The following CMSS1 variants were observed in gnomAD, a reference collection of about 807,000 sequenced individuals.
The protein encoded by CMSS1 is protein CMSS1.
Under a neutral mutation model 43.5 loss-of-function variants are expected in CMSS1, and 33 were observed. That is an observed-to-expected ratio of 0.76 (90% CI 0.57 to 1.01). The LOEUF (loss-of-function observed/expected upper bound fraction) is 1.01, where lower values mean the gene tolerates loss of function less well. CMSS1 is among the 50% of genes least tolerant of loss of function. The pLI, the probability that CMSS1 is intolerant of heterozygous loss-of-function variation, is 0.00. For missense variants in CMSS1, 313 were observed against 326.4 expected (o/e 0.96, Z 0.32); for synonymous variants, 115 against 117.2 (o/e 0.98, Z 0.12).
chr3:99,916,842 C>G (rs147792754), intron 1 of CMSS1, among the ~76,000 whole-genome samples: 1 of 152,336 alleles, frequency 6.6e-6, no homozygotes, highest in African/African-American at 2.4e-5. Context: ...TGCCAGCCAT[C>G]ATCTTCACGG....
intron 1 of CMSS1, among the ~76,000 whole-genome samples, chr3:100,131,161 CCT>C (rs1426730475): frequency 1.3e-5 from 2 of 152,104 alleles, no homozygotes; most frequent in Admixed American, 1.3e-4. Context: ...TGTTAATATC[CCT>C]GTTTTATAGA....
At position 99,895,942 on chromosome 3, in the gene CMSS1, A is replaced by G. The variant is rs139838837; in HGVS notation, c.64+77899A>G. On this transcript the variant is annotated intron_variant, in intron 1 of 9. Coordinates refer to ENST00000421999, the MANE Select transcript of CMSS1 (RefSeq NM_032359.4). ...ATCATCTATGTTTGGTCAAGCTCTAAGCTGTAAAGATAGTCTTTTTGTAGA... is the reference window on the plus strand; with the variant it reads ...ATCATCTATGTTTGGTCAAGCTCTAGGCTGTAAAGATAGTCTTTTTGTAGA... Among the ~76,000 whole-genome samples the G allele has an allele frequency of 4.6e-3, 696 of 152,350 alleles. 2 individuals carry two copies. Among genetic ancestry groups the G allele is most frequent in the South Asian group, 7.0e-3 (34 of 4,828 alleles).
At chr3:99,830,649 G>T (rs1942642601) in intron 1 of CMSS1, 3 of 452,476 alleles carry the variant, frequency 6.6e-6, no homozygotes, top group South Asian at 3.1e-5. Flanking sequence ...TGGTACAGTT[G>T]GTGGAGAAGT....
intron 1 of CMSS1, among the ~76,000 whole-genome samples, chr3:99,866,785 A>G (rs1476514085): frequency 6.6e-6 from 1 of 152,126 alleles, no homozygotes; most frequent in Admixed American, 6.5e-5. Context: ...TTGCAAAGTG[A>G]GAGTTTGGGC....
intron 1 of CMSS1, among the ~76,000 whole-genome samples, chr3:99,984,042 A>ATGTGTGTGTGTGTGTGTG (rs1709253903): frequency 6.4e-5 from 1 of 15,510 alleles, no homozygotes; most frequent in Non-Finnish European, 1.2e-4. Context: ...ATGAAAAAGG[A>ATGTGTGTGTGTGTGTGTG]TGTATATGTA....
intron 1 of CMSS1, among the ~76,000 whole-genome samples, chr3:100,065,859 T>C (rs2065654641): frequency 6.6e-6 from 1 of 152,262 alleles, no homozygotes; most frequent in South Asian, 2.1e-4. Context: ...TAATACTGTG[T>C]TCTATGCTGT....
chr3:100,147,151 G>A (rs1441497529), intron 2 of CMSS1, 90 bp downstream of exon 2: 27 of 1,368,644 alleles, frequency 2.0e-5, no homozygotes, highest in African/African-American at 7.2e-5. Flanking sequence ...TCCTAATATC[G>A]GTTGTTGGTG....
intron 1 of CMSS1, among the ~76,000 whole-genome samples, chr3:99,903,054 A>G (rs1159595715): frequency 2.0e-5 from 3 of 152,102 alleles, no homozygotes; most frequent in Non-Finnish European, 4.4e-5. Flanking sequence ...TTTCCTGCCC[A>G]TTTATACTTT....
intron 1 of CMSS1, among the ~76,000 whole-genome samples, chr3:99,993,129 C>A (rs1039707830): frequency 6.6e-6 from 1 of 151,894 alleles, no homozygotes; most frequent in Non-Finnish European, 1.5e-5. Context: ...CTTAGGATTT[C>A]TTTGGCTATT....
intron 1 of CMSS1, among the ~76,000 whole-genome samples, chr3:100,117,825 GTATATA>G (rs1166983737): frequency 5.1e-4 from 38 of 75,164 alleles, no homozygotes; most frequent in African/African-American, 1.8e-3. Context: ...ATAAACTGCA[GTATATA>G]TATATATATA....
intron 1 of CMSS1, among the ~76,000 whole-genome samples, chr3:99,852,569 C>T (rs1052252057): frequency 2.0e-5 from 3 of 152,028 alleles, no homozygotes; most frequent in Non-Finnish European, 4.4e-5. Flanking sequence ...TCTCAGCCTC[C>T]CGAGTAGCTG....
chr3:99,974,654 C>A (rs1708917305), intron 1 of CMSS1, among the ~76,000 whole-genome samples: 1 of 152,028 alleles, frequency 6.6e-6, no homozygotes, highest in Non-Finnish European at 1.5e-5. Context: ...TTGTGATGAG[C>A]CAAGGTCATG....
intron 1 of CMSS1, among the ~76,000 whole-genome samples, chr3:100,037,028 CAA>C: frequency 6.6e-6 from 1 of 152,070 alleles, no homozygotes; most frequent in East Asian, 1.9e-4. Flanking sequence ...TAAAAGAAAC[CAA>C]AGAGACATAA....
At chr3:99,845,434 A>G (rs1159930924) in intron 1 of CMSS1, among the ~76,000 whole-genome samples, 1 of 152,190 alleles carries the variant, frequency 6.6e-6, no homozygotes, top group African/African-American at 2.4e-5. Flanking sequence ...AGAGACGAAA[A>G]AACAGTCTAT....
intron 1 of CMSS1, among the ~76,000 whole-genome samples, chr3:99,846,472 C>G (rs1322211796): frequency 6.6e-6 from 1 of 152,204 alleles, no homozygotes; most frequent in Non-Finnish European, 1.5e-5. Context: ...GCCATTCCTT[C>G]TAGAGTTCTG....
At chr3:100,035,359 C>T (rs1341658339) in intron 1 of CMSS1, among the ~76,000 whole-genome samples, 1 of 152,132 alleles carries the variant, frequency 6.6e-6, no homozygotes, top group African/African-American at 2.4e-5. Context: ...CTGCAACCCC[C>T]GCCTCCTGGG....
chr3:100,098,014 T>A (rs2066240764), intron 1 of CMSS1, among the ~76,000 whole-genome samples: 1 of 152,236 alleles, frequency 6.6e-6, no homozygotes, highest in South Asian at 2.1e-4. Context: ...ATAGTAATGG[T>A]ACGTGCCACA....
chr3:100,131,157 T>C (rs762037785), intron 1 of CMSS1, among the ~76,000 whole-genome samples: 2 of 152,190 alleles, frequency 1.3e-5, no homozygotes, highest in Non-Finnish European at 2.9e-5. Flanking sequence ...GTACTGTTAA[T>C]ATCCCTGTTT....
chr3:100,123,136 A>C (rs2066635196), intron 1 of CMSS1, among the ~76,000 whole-genome samples: 1 of 152,226 alleles, frequency 6.6e-6, no homozygotes, highest in Non-Finnish European at 1.5e-5. Context: ...GCTGTAATAG[A>C]AAGGAAGAGA....
Sources: gnomAD v4.1 joint callset for allele counts (sites outside exome capture counted in the v4.1 genomes callset) on GRCh38, gnomAD v4.1.1 for gene constraint, MANE v1.5 for transcripts, NCBI Gene and HGNC (gene_info 2026-07-23, HGNC 2026-07-21) for gene names.